Variants in DENND1A observed in about 807,000 individuals in gnomAD.
The protein encoded by DENND1A is DENN domain-containing protein 1A.
Under a neutral mutation model 113.7 loss-of-function variants are expected in DENND1A, and 51 were observed. The observed-to-expected ratio is 0.45, with a 90% CI of 0.36 to 0.57. DENND1A has a LOEUF of 0.57. Among genes scored for constraint, DENND1A ranks in the 20% least tolerant of loss-of-function variants. The pLI, the probability that DENND1A is intolerant of heterozygous loss-of-function variation, is 0.00. For missense variants in DENND1A, 1,258 were observed against 1,395.9 expected (o/e 0.90, Z 1.57); for synonymous variants, 565 against 570.8 (o/e 0.99, Z 0.14).
chr9:123,767,502 CA>C (rs373167863), intron 4 of DENND1A, among the ~76,000 whole-genome samples: 6 of 152,080 alleles, frequency 3.9e-5, no homozygotes, highest in African/African-American at 1.4e-4. Context: ...AAAAAGGCAT[CA>C]GATATTTTTG....
intron 10 of DENND1A, among the ~76,000 whole-genome samples, chr9:123,612,828 G>A (rs914021784): frequency 6.6e-6 from 1 of 152,136 alleles, no homozygotes; most frequent in African/African-American, 2.4e-5. Flanking sequence ...GCAGTACCTG[G>A]CCTAGTAGAA....
chr9:123,808,468 A>G (rs1835974337), intron 2 of DENND1A, among the ~76,000 whole-genome samples: 2 of 151,274 alleles, frequency 1.3e-5, no homozygotes. Context: ...GCAGCCTCAA[A>G]CTCCTGGGCT....
At chr9:123,823,189 C>CA (rs747737593) in intron 2 of DENND1A, among the ~76,000 whole-genome samples, 33 of 151,522 alleles carry the variant, frequency 2.2e-4, no homozygotes, top group Non-Finnish European at 3.7e-4. Flanking sequence ...GAGGTAAACG[C>CA]AAAAAAGAAA....
In DENND1A at chr9:123,541,776, G is replaced by A. The variant is rs191873988; in HGVS notation, c.993+15794C>T. Among the ~76,000 whole-genome samples the A allele has an allele frequency of 2.3e-3, 353 of 152,332 alleles. 1 individual carries two copies. The Middle Eastern group carries it at 0.024, about 10-fold the overall frequency. On this transcript the variant is annotated intron_variant, in intron 13 of 23. Transcript: ENST00000394215. ...AGGGCAGGAAAGATGCACAGAGGAC[G>A]AGTACTTCCCATCTGCCATCGCATT...
intron 5 of DENND1A, among the ~76,000 whole-genome samples, chr9:123,682,838 G>T (rs915308117): frequency 6.6e-6 from 1 of 152,156 alleles, no homozygotes; most frequent in East Asian, 1.9e-4. Context: ...TCAGCTTTGG[G>T]AATCTCTCTT....
chr9:123,439,881 C>G (rs1371364196), intron 19 of DENND1A: 2 of 152,306 alleles, frequency 1.3e-5, no homozygotes, highest in East Asian at 3.9e-4. Flanking sequence ...AAAATTGAAT[C>G]TCTAGAATTG....
intron 13 of DENND1A, among the ~76,000 whole-genome samples, chr9:123,495,275 C>T (rs1399841544): frequency 6.6e-6 from 1 of 152,030 alleles, no homozygotes. Context: ...ACACTGGGAG[C>T]CAAACGAATG....
At chr9:123,579,406 T>A (rs2058778946) in intron 12 of DENND1A, among the ~76,000 whole-genome samples, 1 of 152,148 alleles carries the variant, frequency 6.6e-6, no homozygotes, top group African/African-American at 2.4e-5. Flanking sequence ...TGTCCTTAAA[T>A]GTTTTTTTGA....
chr9:123,396,786 C>T (rs1178839565), intron 21 of DENND1A, among the ~76,000 whole-genome samples: 4 of 152,160 alleles, frequency 2.6e-5, no homozygotes, highest in African/African-American at 4.8e-5. Context: ...CAGAAGGATT[C>T]GGACACATGT....
chr9:123,917,694 A>G (rs1855412333), intron 1 of DENND1A, among the ~76,000 whole-genome samples: 1 of 152,090 alleles, frequency 6.6e-6, no homozygotes, highest in Non-Finnish European at 1.5e-5. Flanking sequence ...TGTGATTTCT[A>G]ATACTATTTC....
At chr9:123,708,928 T>C (rs2066406286) in intron 5 of DENND1A, among the ~76,000 whole-genome samples, 1 of 152,206 alleles carries the variant, frequency 6.6e-6, no homozygotes, top group African/African-American at 2.4e-5. Flanking sequence ...ATACACTAAA[T>C]AGATGACCAT....
At chr9:123,753,709 T>C (rs1209855785) in intron 5 of DENND1A, among the ~76,000 whole-genome samples, 2 of 152,150 alleles carry the variant, frequency 1.3e-5, no homozygotes, top group Non-Finnish European at 1.5e-5. Flanking sequence ...TGGAGATGCA[T>C]GCATAGTTAA....
chr9:123,718,608 G>T (rs980096661), intron 5 of DENND1A, among the ~76,000 whole-genome samples: 2 of 152,154 alleles, frequency 1.3e-5, no homozygotes, highest in Admixed American at 1.3e-4. Context: ...TTGTATGCTT[G>T]CATTTTGTTA....
At chr9:123,521,437 A>G (rs575281155) in intron 13 of DENND1A, among the ~76,000 whole-genome samples, 2 of 152,340 alleles carry the variant, frequency 1.3e-5, no homozygotes, top group East Asian at 3.9e-4. Context: ...TTCTTTGGGC[A>G]TCGACTTCCC....
At chr9:123,488,976 A>G (rs1277626846) in intron 13 of DENND1A, among the ~76,000 whole-genome samples, 2 of 152,090 alleles carry the variant, frequency 1.3e-5, no homozygotes, top group East Asian at 3.9e-4. Context: ...CACTCAAAAC[A>G]TTTCCTATAG....
chr9:123,720,758 C>T lies in DENND1A; in HGVS notation c.302+36945G>A, dbSNP rs556227421. ...AATTTCTGAAATCCAAGATTGACTT[C>T]CTGCTGCCATCCAGCATGCGTGGGC... On this transcript the variant is annotated intron_variant, in intron 5 of 23. Coordinates refer to ENST00000394215, the MANE Select transcript of DENND1A (RefSeq NM_001352964.2). 2.0e-5 allele frequency among the ~76,000 whole-genome samples: 3 copies of T among 152,326 alleles called. No individual in the cohort carries two copies. In the East Asian group the frequency reaches 5.8e-4, roughly 29 times the overall value.
intron 5 of DENND1A, among the ~76,000 whole-genome samples, chr9:123,706,145 CTT>C (rs368559777): frequency 1.7e-4 from 22 of 133,090 alleles, no homozygotes; most frequent in Admixed American, 2.3e-4. Context: ...GATATTTTTT[CTT>C]TTTTTTTTTT....
intron 5 of DENND1A, among the ~76,000 whole-genome samples, chr9:123,752,371 G>A (rs1331889519): frequency 3.9e-5 from 6 of 152,120 alleles, no homozygotes; most frequent in Admixed American, 3.9e-4. Context: ...AAAAAATTTA[G>A]ACAGCATCTT....
At chr9:123,614,672 G>A (rs1450373978) in intron 10 of DENND1A, among the ~76,000 whole-genome samples, 1 of 152,096 alleles carries the variant, frequency 6.6e-6, no homozygotes, top group Admixed American at 6.5e-5. Flanking sequence ...CCACCTCCAG[G>A]TGGGCAACAC....
Sources: allele counts gnomAD v4.1 joint callset (sites outside exome capture counted in the v4.1 genomes callset), GRCh38; gene constraint gnomAD v4.1.1; transcripts MANE v1.5; gene names NCBI Gene and HGNC (gene_info 2026-07-23, HGNC 2026-07-21).